Variants in HIPK2 observed in about 807,000 individuals in gnomAD.
HIPK2 encodes homeodomain-interacting protein kinase 2.
In HIPK2, 27 loss-of-function variants were observed where a neutral mutation model predicts 113.7. That is an observed-to-expected ratio of 0.24 (90% CI 0.17 to 0.33). The LOEUF is 0.33. Among genes scored for constraint, HIPK2 ranks in the 10% least tolerant of loss-of-function variants. The pLI is 1.00. For synonymous variants in HIPK2, 631 were observed against 642.2 expected (o/e 0.98, Z 0.26); for missense variants, 1,257 against 1,588.0 (o/e 0.79, Z 3.54).
At chr7:139,733,677 C>T (rs1201868985) in intron 1 of HIPK2, among the ~76,000 whole-genome samples, 1 of 152,152 alleles carries the variant, frequency 6.6e-6, no homozygotes, top group East Asian at 1.9e-4. Context: ...TTCAAATTTT[C>T]TTCTGTATCC....
chr7:139,776,247 T>C (rs982264823), intron 1 of HIPK2, among the ~76,000 whole-genome samples: 2 of 152,044 alleles, frequency 1.3e-5, no homozygotes, highest in Non-Finnish European at 2.9e-5. Context: ...ATAACATCTC[T>C]CTGTTGCCTT....
chr7:139,706,672 G>C (rs898012937), intron 2 of HIPK2, among the ~76,000 whole-genome samples: 2 of 152,144 alleles, frequency 1.3e-5, no homozygotes, highest in African/African-American at 4.8e-5. Flanking sequence ...GCCCAGCCTG[G>C]CTCCCGCCTG....
rs186342783 is a variant in HIPK2, at chr7:139,579,925, T to C, written c.2965+3892A>G. ...CCAGGACACCAGAGCCTCCTGGCCC[T>C]GGCTGAACAGACCTGCATTTGGGAA... On this transcript the variant is annotated intron_variant, in intron 13 of 14. Coordinates refer to ENST00000406875, the MANE Select transcript of HIPK2 (RefSeq NM_022740.5). Among the ~76,000 whole-genome samples the C allele has an allele frequency of 3.0e-3, 459 of 152,300 alleles. 2 individuals are homozygous for C. The highest frequency in any genetic ancestry group is 0.011 in the African/African-American group (441 of 41,564).
rs1402813140 is a variant in HIPK2, at chr7:139,738,438, G to C, written c.20-21423C>G. Among the ~76,000 whole-genome samples, 7 of 152,330 alleles carry C rather than the reference G, an allele frequency of 4.6e-5. No homozygotes were observed. In the South Asian group the frequency reaches 1.5e-3, roughly 32 times the overall value. On this transcript the variant is annotated intron_variant, in intron 1 of 14. Transcript: ENST00000406875. ...TTGAAAATGTGGCTGGTGTGACTGA[G>C]GAACTGAATGTAAAGTTTTGTTTAG...
chr7:139,645,150 C>T (rs1014588778), intron 2 of HIPK2, among the ~76,000 whole-genome samples: 2 of 152,192 alleles, frequency 1.3e-5, no homozygotes, highest in African/African-American at 4.8e-5. Context: ...GCCCCGAATC[C>T]CCAACTCTCA....
At chr7:139,599,151 C>T (rs945980719) in intron 11 of HIPK2, among the ~76,000 whole-genome samples, 6 of 152,232 alleles carry the variant, frequency 3.9e-5, no homozygotes, top group African/African-American at 1.4e-4. Flanking sequence ...AGCAATTAAG[C>T]ACCTCAAAGC....
intron 2 of HIPK2, among the ~76,000 whole-genome samples, chr7:139,684,093 T>A (rs1035268621): frequency 1.7e-4 from 26 of 152,200 alleles, no homozygotes; most frequent in African/African-American, 2.4e-5. Context: ...TATTTCAAAC[T>A]TTTTCATCAT....
chr7:139,746,434 G>A (rs1796192034), intron 1 of HIPK2, among the ~76,000 whole-genome samples: 1 of 152,254 alleles, frequency 6.6e-6, no homozygotes, highest in Non-Finnish European at 1.5e-5. Flanking sequence ...TTGTTGCTTG[G>A]TTTAATCTTG....
chr7:139,611,494 T>C (rs1020931136), intron 9 of HIPK2, among the ~76,000 whole-genome samples: 2 of 152,208 alleles, frequency 1.3e-5, no homozygotes, highest in Non-Finnish European at 2.9e-5. Flanking sequence ...ACATTTGATA[T>C]AATTCAATAT....
chr7:139,579,837 C>A (rs1349414153), intron 13 of HIPK2, among the ~76,000 whole-genome samples: 1 of 152,174 alleles, frequency 6.6e-6, no homozygotes, highest in Non-Finnish European at 1.5e-5. Context: ...CCACCCCATC[C>A]ACTGAATCGG....
intron 2 of HIPK2, among the ~76,000 whole-genome samples, chr7:139,633,115 A>AG (rs1569459555): frequency 8.7e-6 from 1 of 114,960 alleles, no homozygotes; most frequent in Non-Finnish European, 1.8e-5. Context: ...AAAAAAAAAA[A>AG]AAAAGAAAGA....
In HIPK2 at chr7:139,563,966, C is replaced by T; in HGVS notation, c.*8961G>A. The T allele has an allele frequency of 2.5e-6, 1 of 398,608 alleles. No homozygotes were observed. The highest frequency in any genetic ancestry group is 4.4e-6 in the Non-Finnish European group (1 of 226,066). The allele number at this position is 398,608 out of a possible 1,614,324, so 24.7% of individuals were successfully genotyped here. On this transcript the variant is annotated 3_prime_UTR_variant, in exon 15 of 15. Transcript: ENST00000406875. ...ATTCCCCCAGTCTGTTTCTGCATGA[C>T]AGTGGGGCCCATTCCTGTCTCGAAG... is the stretch of plus-strand genomic sequence containing the variant.
At chr7:139,599,465 C>A (rs1176621646) in intron 11 of HIPK2, among the ~76,000 whole-genome samples, 2 of 152,144 alleles carry the variant, frequency 1.3e-5, no homozygotes, top group Non-Finnish European at 2.9e-5. Flanking sequence ...TTCCGAAATG[C>A]CATATAGATG....
chr7:139,641,867 G>A (rs1024116920), intron 2 of HIPK2, among the ~76,000 whole-genome samples: 1 of 152,190 alleles, frequency 6.6e-6, no homozygotes, highest in African/African-American at 2.4e-5. Flanking sequence ...AGCGCTAATC[G>A]GAGCGCACAG....
At chr7:139,739,312 G>T (rs1439733075) in intron 1 of HIPK2, among the ~76,000 whole-genome samples, 1 of 152,224 alleles carries the variant, frequency 6.6e-6, no homozygotes, top group Non-Finnish European at 1.5e-5. Flanking sequence ...TTCAGGCCAG[G>T]TGCAGTGGCT....
Position 139,602,264 on chromosome 7 carries a change from A to G in HIPK2, c.2256-1668T>C, listed in dbSNP as rs112299544. ...CACTGCATCCGACCAAGAAACTGAT[A>G]TTATGGCTTCTTTATTTTGTTGTAG... is the stretch of plus-strand genomic sequence containing the variant. On this transcript the variant is annotated intron_variant, in intron 10 of 14. Coordinates refer to ENST00000406875, the MANE Select transcript of HIPK2 (RefSeq NM_022740.5). 4.9e-3 allele frequency among the ~76,000 whole-genome samples: 740 copies of G among 152,192 alleles called. 4 individuals carry two copies. Among genetic ancestry groups the G allele is most frequent in the African/African-American group, 0.017 (687 of 41,526 alleles).
chr7:139,728,218 C>T (rs1396232075), intron 1 of HIPK2, among the ~76,000 whole-genome samples: 3 of 152,126 alleles, frequency 2.0e-5, no homozygotes, highest in Non-Finnish European at 4.4e-5. Flanking sequence ...GCTGGGATTA[C>T]AGGTGTGAGC....
At chr7:139,774,560 G>C (rs1178883109) in intron 1 of HIPK2, among the ~76,000 whole-genome samples, 1 of 152,226 alleles carries the variant, frequency 6.6e-6, no homozygotes, top group Non-Finnish European at 1.5e-5. Flanking sequence ...TTGGTAGACA[G>C]CTTGGTAGAT....
At position 139,777,655 on chromosome 7, in the gene HIPK2, G is replaced by T; in HGVS notation, c.-32C>A. On this transcript the variant is annotated 5_prime_UTR_variant, in exon 1 of 15. Transcript: ENST00000406875. ...CGGGGTGTCCGCGGTTCATGGCAAC[G>T]GGGACGGGAAAGCGGCGCGCGAGCT... The T allele has an allele frequency of 9.1e-7, 1 of 1,099,680 alleles. No individual in the cohort carries two copies. The allele number at this position is 1,099,680 out of a possible 1,614,324, so 68.1% of individuals were successfully genotyped here.
Sources: gnomAD v4.1 joint callset for allele counts (sites outside exome capture counted in the v4.1 genomes callset) on GRCh38, gnomAD v4.1.1 for gene constraint, MANE v1.5 for transcripts, NCBI Gene and HGNC (gene_info 2026-07-23, HGNC 2026-07-21) for gene names.